CNTN5: variants seen among roughly 807,000 people sequenced by gnomAD.
CNTN5 encodes the protein contactin 5.
Under a neutral mutation model 129.1 loss-of-function variants are expected in CNTN5, and 77 were observed. That is an observed-to-expected ratio of 0.60 (90% CI 0.50 to 0.72). The LOEUF is 0.72. Among genes scored for constraint, CNTN5 ranks in the 30% least tolerant of loss-of-function variants. The probability of loss-of-function intolerance (pLI) is 0.00; values close to 1 mark genes in which losing one functional copy is unlikely to be tolerated. For synonymous variants in CNTN5, 509 were observed against 465.6 expected, an observed-to-expected ratio of 1.09 and a Z score of -1.20; for missense variants, 1,478 against 1,328.8, an observed-to-expected ratio of 1.11 and a Z score of -1.75.
chr11:99,663,651 G>A (rs1475881369), intron 3 of CNTN5, among the ~76,000 whole-genome samples: 1 of 152,086 alleles, frequency 6.6e-6, no homozygotes, highest in Non-Finnish European at 1.5e-5. Context: ...CTGTTCTCCT[G>A]ATAGTTTTCA....
intron 2 of CNTN5, among the ~76,000 whole-genome samples, chr11:99,550,288 C>T (rs951742668): frequency 6.6e-6 from 1 of 152,128 alleles, no homozygotes; most frequent in African/African-American, 2.4e-5. Context: ...GCTTGGTCCT[C>T]AAAAGATATA....
intron 1 of CNTN5, among the ~76,000 whole-genome samples, chr11:99,263,958 A>G (rs1286420564): frequency 6.6e-6 from 1 of 152,156 alleles, no homozygotes; most frequent in Middle Eastern, 3.2e-3. Context: ...CAGTTAATCA[A>G]TAAGTATTTA....
intron 13 of CNTN5, among the ~76,000 whole-genome samples, chr11:100,163,912 CAT>C (rs773784708): frequency 1.7e-4 from 26 of 151,836 alleles, no homozygotes; most frequent in Non-Finnish European, 3.2e-4. Flanking sequence ...CAAATACACA[CAT>C]GAGTTATTAT....
chr11:99,735,003 G>C (rs563993803), intron 3 of CNTN5, among the ~76,000 whole-genome samples: 1 of 140,056 alleles, frequency 7.1e-6, no homozygotes, highest in Admixed American at 7.0e-5. Flanking sequence ...GCGAGACTCC[G>C]TCTCAAAACA....
At chr11:100,342,152 GACAC>G (rs3220443) in intron 23 of CNTN5, among the ~76,000 whole-genome samples, 11,289 of 146,968 alleles carry the variant, frequency 0.077, 579 homozygotes, top group East Asian at 0.27. Flanking sequence ...ATAGATCACA[GACAC>G]ACACACACAC....
intron 8 of CNTN5, among the ~76,000 whole-genome samples, chr11:99,995,136 T>C (rs7114959): frequency 0.38 from 57,399 of 151,950 alleles, 12,339 homozygotes; most frequent in African/African-American, 0.59. Context: ...GAGTTAGCCT[T>C]TTAGAGTAGG....
intron 13 of CNTN5, among the ~76,000 whole-genome samples, chr11:100,131,557 A>G (rs1946379886): frequency 6.6e-6 from 1 of 152,078 alleles, no homozygotes; most frequent in African/African-American, 2.4e-5. Context: ...GGCAGGTGGT[A>G]ATGGTCGAAA....
intron 1 of CNTN5, among the ~76,000 whole-genome samples, chr11:99,091,140 G>A (rs1866234185): frequency 6.6e-6 from 1 of 151,286 alleles, no homozygotes; most frequent in South Asian, 2.1e-4. Context: ...TGCCATTTGT[G>A]TATATCTGCC....
At chr11:99,445,022 ATG>A (rs1345447075) in intron 2 of CNTN5, among the ~76,000 whole-genome samples, 1 of 148,952 alleles carries the variant, frequency 6.7e-6, no homozygotes, top group African/African-American at 2.4e-5. Context: ...TACTATATTT[ATG>A]TGTGTGTATT....
intron 21 of CNTN5, among the ~76,000 whole-genome samples, chr11:100,325,188 A>C (rs563102155): frequency 6.6e-6 from 1 of 152,306 alleles, no homozygotes; most frequent in African/African-American, 2.4e-5. Flanking sequence ...ATGCTGTATA[A>C]GACAGGAAGA....
At chr11:99,926,138 G>C (rs1950056820) in intron 7 of CNTN5, among the ~76,000 whole-genome samples, 1 of 152,140 alleles carries the variant, frequency 6.6e-6, no homozygotes, top group South Asian at 2.1e-4. Flanking sequence ...ACTTTGTCTT[G>C]ATAATCTGTC....
At chr11:99,025,273 G>C (rs1487825744) in intron 1 of CNTN5, among the ~76,000 whole-genome samples, 1 of 151,840 alleles carries the variant, frequency 6.6e-6, no homozygotes, top group Non-Finnish European at 1.5e-5. Flanking sequence ...AAAATATGGA[G>C]CCAATTAAAG....
At chr11:99,887,309 G>A (rs1378064289) in intron 6 of CNTN5, among the ~76,000 whole-genome samples, 1 of 152,036 alleles carries the variant, frequency 6.6e-6, no homozygotes, top group African/African-American at 2.4e-5. Context: ...TGGCAGAGAT[G>A]GTAATTTTTT....
intron 9 of CNTN5, among the ~76,000 whole-genome samples, chr11:100,026,325 A>C (rs1354830832): frequency 6.6e-6 from 1 of 151,996 alleles, no homozygotes; most frequent in African/African-American, 2.4e-5. Context: ...CCCAGCTTTG[A>C]GTCAATTAAA....
At chr11:100,274,939 C>A (rs923956967) in intron 18 of CNTN5, among the ~76,000 whole-genome samples, 5 of 152,110 alleles carry the variant, frequency 3.3e-5, no homozygotes, top group Admixed American at 3.3e-4. Flanking sequence ...ACAACAAACC[C>A]CCATGTCACA....
chr11:99,493,075 G>T (rs1257068531), intron 2 of CNTN5, among the ~76,000 whole-genome samples: 1 of 152,136 alleles, frequency 6.6e-6, no homozygotes, highest in Non-Finnish European at 1.5e-5. Flanking sequence ...TGCTTCTACT[G>T]CTACCTCAAA....
chr11:99,250,965 A>G lies in CNTN5; in HGVS notation c.-209-74381A>G, dbSNP rs529067111. Among the ~76,000 whole-genome samples the G allele has an allele frequency of 5.3e-5, 8 of 152,048 alleles. No homozygotes were observed. In the East Asian group the frequency reaches 7.7e-4, roughly 15 times the overall value. On this transcript the variant is annotated intron_variant, in intron 1 of 24. Coordinates refer to ENST00000524871, the MANE Select transcript of CNTN5 (RefSeq NM_014361.4). ...TATTTTGAGTGTTATAGATTTCCCC[A>G]GGGTAAAACAATTAGACTTGGGAAA...
At chr11:99,587,707 G>T (rs1949844113) in intron 3 of CNTN5, among the ~76,000 whole-genome samples, 1 of 150,948 alleles carries the variant, frequency 6.6e-6, no homozygotes, top group Non-Finnish European at 1.5e-5. Context: ...AAATTGCTGA[G>T]AATTTTTTTA....
chr11:99,839,903 T>G (rs1293221044), intron 4 of CNTN5, among the ~76,000 whole-genome samples: 2 of 151,850 alleles, frequency 1.3e-5, no homozygotes, highest in African/African-American at 4.8e-5. Flanking sequence ...TATGCCTAAC[T>G]GGTATGAGGG....
Sources: allele counts gnomAD v4.1 joint callset (sites outside exome capture counted in the v4.1 genomes callset), GRCh38; gene constraint gnomAD v4.1.1; transcripts MANE v1.5; gene names NCBI Gene and HGNC (gene_info 2026-07-23, HGNC 2026-07-21).